FAM117B: variants seen among roughly 807,000 people sequenced by gnomAD.
FAM117B encodes protein FAM117B.
A neutral mutation model predicts 52.8 loss-of-function variants in FAM117B; 22 were observed. The ratio of observed to expected loss-of-function variants is 0.42; its 90% CI spans 0.30 to 0.59. The LOEUF is 0.59. FAM117B is among the 20% of genes least tolerant of loss of function. FAM117B has a pLI of 0.22. For synonymous variants in FAM117B, 309 were observed against 324.1 expected (o/e 0.95, Z 0.50); for missense variants, 678 against 802.6 (o/e 0.84, Z 1.88).
In FAM117B at chr2:202,711,691, A is replaced by T. The variant is rs373835614; in HGVS notation, c.754-13226A>T. 3.3e-5 allele frequency among the ~76,000 whole-genome samples: 5 copies of T among 152,240 alleles called. No homozygotes were observed. In the East Asian group the frequency reaches 9.6e-4, roughly 29 times the overall value. On this transcript the variant is annotated intron_variant, in intron 2 of 7. Transcript: ENST00000392238. ...TCATAGTTTGAGGTCTCAGATTTAA[A>T]TCTTTAATCCATTTTGATTTCATTT...
intron 2 of FAM117B, among the ~76,000 whole-genome samples, chr2:202,723,778 A>T (rs1382823969): frequency 9.2e-5 from 14 of 152,200 alleles, no homozygotes; most frequent in Admixed American, 9.2e-4. Context: ...TCTGTGCAGG[A>T]TAAATTGTTA....
intron 4 of FAM117B, among the ~76,000 whole-genome samples, chr2:202,739,367 TCCTTTTC>T (rs1243869078): frequency 6.6e-6 from 1 of 152,034 alleles, no homozygotes; most frequent in Non-Finnish European, 1.5e-5. Context: ...CCTTTCCTTT[TCCTTTTC>T]CCTTTTCCTT....
chr2:202,734,804 G>T (rs1691414498), intron 4 of FAM117B, among the ~76,000 whole-genome samples: 1 of 152,056 alleles, frequency 6.6e-6, no homozygotes, highest in Admixed American at 6.5e-5. Flanking sequence ...AAACAGACTT[G>T]GTTTCCTTGC....
chr2:202,717,688 G>A (rs1216281958), intron 2 of FAM117B, among the ~76,000 whole-genome samples: 1 of 152,134 alleles, frequency 6.6e-6, no homozygotes, highest in Non-Finnish European at 1.5e-5. Context: ...TGAGCCCCCT[G>A]GAGCTGGGGG....
At chr2:202,729,881 G>A (rs924775381) in intron 4 of FAM117B, among the ~76,000 whole-genome samples, 1 of 152,148 alleles carries the variant, frequency 6.6e-6, no homozygotes, top group African/African-American at 2.4e-5. Flanking sequence ...TTTTTAAAAT[G>A]CAGGATATGG....
At chr2:202,749,946 G>A (rs963108171) in intron 4 of FAM117B, among the ~76,000 whole-genome samples, 2 of 152,168 alleles carry the variant, frequency 1.3e-5, no homozygotes, top group African/African-American at 4.8e-5. Context: ...AAAGGTGAGT[G>A]TATTAGTCTC....
chr2:202,671,339 G>A (rs1690296289), intron 1 of FAM117B, among the ~76,000 whole-genome samples: 1 of 152,212 alleles, frequency 6.6e-6, no homozygotes, highest in Non-Finnish European at 1.5e-5. Flanking sequence ...CTGGGCAACT[G>A]GTCATCAGTC....
chr2:202,674,025 A>ACC (rs56706386), intron 1 of FAM117B, among the ~76,000 whole-genome samples: 13 of 148,260 alleles, frequency 8.8e-5, no homozygotes, highest in South Asian at 8.7e-4. Context: ...TCCTCCCTGC[A>ACC]CCCCCCCCAC....
rs577531715 is a variant in FAM117B at position 202,737,693 on chromosome 2, T to C, written c.960+11330T>C. Among the ~76,000 whole-genome samples, 144 of 152,162 alleles carry C rather than the reference T, an allele frequency of 9.5e-4. 2 individuals are homozygous for C. Among genetic ancestry groups the C allele is most frequent in the Non-Finnish European group, 2.1e-4 (14 of 67,992 alleles). On this transcript the variant is annotated intron_variant, in intron 4 of 7. Coordinates refer to ENST00000392238, the MANE Select transcript of FAM117B (RefSeq NM_173511.4). ...CTTGGCTCACAGCAGCCTCTGCCTCTTGGGTTCAAGCGATTTTCCCGCCTC... is the reference window on the plus strand; with the variant it reads ...CTTGGCTCACAGCAGCCTCTGCCTCCTGGGTTCAAGCGATTTTCCCGCCTC...
At chr2:202,687,316 G>T (rs1036939265) in intron 1 of FAM117B, among the ~76,000 whole-genome samples, 1 of 152,150 alleles carries the variant, frequency 6.6e-6, no homozygotes. Flanking sequence ...TCAAAGGAGC[G>T]TGAAAAATTG....
chr2:202,724,112 C>T (rs1018010918), intron 2 of FAM117B, among the ~76,000 whole-genome samples: 5 of 119,510 alleles, frequency 4.2e-5, no homozygotes, highest in Admixed American at 1.2e-4. Context: ...GGCTGGAGTA[C>T]GGTGGCACGA....
chr2:202,670,194 T>G (rs767070814), intron 1 of FAM117B, among the ~76,000 whole-genome samples: 2 of 152,216 alleles, frequency 1.3e-5, no homozygotes, highest in Non-Finnish European at 2.9e-5. Flanking sequence ...ACATACCAAT[T>G]TGTTCCAAAG....
chr2:202,636,276 C>T (rs1265013026), intron 1 of FAM117B, among the ~76,000 whole-genome samples: 3 of 152,204 alleles, frequency 2.0e-5, no homozygotes, highest in Admixed American at 2.0e-4. Flanking sequence ...TTAGCAGTGG[C>T]AGATTTGGAT....
chr2:202,665,191 T>C (rs1690184422), intron 1 of FAM117B, among the ~76,000 whole-genome samples: 1 of 151,938 alleles, frequency 6.6e-6, no homozygotes, highest in South Asian at 2.1e-4. Context: ...TTTTTCTTTT[T>C]TTTTTTTTGA....
chr2:202,675,885 G>A (rs995829845), intron 1 of FAM117B, among the ~76,000 whole-genome samples: 8 of 151,260 alleles, frequency 5.3e-5, no homozygotes, highest in Non-Finnish European at 7.4e-5. Flanking sequence ...CTCGGGAGGC[G>A]GAGGCAGGAG....
intron 3 of FAM117B, 115 bp from the exon 4 acceptor site, chr2:202,726,135 T>A: frequency 3.1e-6 from 2 of 650,974 alleles, no homozygotes; most frequent in Non-Finnish European, 5.4e-6. Context: ...GTGATATGGT[T>A]CAAAAATTCA....
At chr2:202,721,750 C>T (rs1161852715) in intron 2 of FAM117B, among the ~76,000 whole-genome samples, 1 of 152,110 alleles carries the variant, frequency 6.6e-6, no homozygotes, top group Non-Finnish European at 1.5e-5. Context: ...CCTCCCACCT[C>T]AGCCTTTCAA....
In FAM117B at chr2:202,675,628, A is replaced by C. The variant is rs145931047; in HGVS notation, c.602-20253A>C. 5.4e-4 allele frequency among the ~76,000 whole-genome samples: 82 copies of C among 152,046 alleles called. 1 individual carries two copies. Among genetic ancestry groups the C allele is most frequent in the Admixed American group, 1.4e-3 (21 of 15,270 alleles). On this transcript the variant is annotated intron_variant, in intron 1 of 7. Transcript: ENST00000392238. ...CAGTTGTTCCCACCTTCTGGTGTTCATGCCCTGTGTAATACCCTCCTTTTT... is the reference window on the plus strand; with the variant it reads ...CAGTTGTTCCCACCTTCTGGTGTTCCTGCCCTGTGTAATACCCTCCTTTTT...
intron 4 of FAM117B, among the ~76,000 whole-genome samples, chr2:202,734,851 A>C (rs1350920515): frequency 1.3e-5 from 2 of 152,254 alleles, no homozygotes; most frequent in Admixed American, 1.3e-4. Context: ...TTTTATTATT[A>C]CAAAAGTACT....
Sources: allele counts gnomAD v4.1 joint callset (sites outside exome capture counted in the v4.1 genomes callset), GRCh38; gene constraint gnomAD v4.1.1; transcripts MANE v1.5; gene names NCBI Gene and HGNC (gene_info 2026-07-23, HGNC 2026-07-21).